SDHAF3: variants seen among roughly 807,000 people sequenced by gnomAD.
SDHAF3 encodes the protein succinate dehydrogenase complex assembly factor 3.
SDHAF3 carries 18 observed loss-of-function variants against 11.5 expected under a neutral mutation model. The observed-to-expected ratio is 1.56, with a 90% CI of 1.08 to 2.32. SDHAF3 has a LOEUF of 2.32. Ranked by LOEUF, SDHAF3 falls within the 30% of genes most tolerant of loss-of-function variation. The pLI, the probability that SDHAF3 is intolerant of heterozygous loss-of-function variation, is 0.00. For synonymous variants in SDHAF3, 72 were observed against 59.3 expected (o/e 1.21, Z -0.99); for missense variants, 200 against 154.4 (o/e 1.30, Z -1.57).
intron 1 of SDHAF3, among the ~76,000 whole-genome samples, chr7:97,152,016 A>T (rs576685515): frequency 1.3e-5 from 2 of 152,014 alleles, no homozygotes; most frequent in African/African-American, 4.8e-5. Context: ...TGTAGGGTTT[A>T]CTCTTGTTTT....
intron 1 of SDHAF3, among the ~76,000 whole-genome samples, chr7:97,159,621 T>C (rs1584227358): frequency 6.6e-6 from 1 of 152,168 alleles, no homozygotes; most frequent in Non-Finnish European, 1.5e-5. Context: ...TTTTTCTTTT[T>C]ATTAAAGAAT....
At chr7:97,126,612 C>T (rs1286074824) in intron 1 of SDHAF3, among the ~76,000 whole-genome samples, 1 of 152,078 alleles carries the variant, frequency 6.6e-6, no homozygotes, top group Non-Finnish European at 1.5e-5. Flanking sequence ...GGAAAACAGC[C>T]TACTCAAGCC....
chr7:97,141,601 G>A (rs1364375568), intron 1 of SDHAF3, among the ~76,000 whole-genome samples: 1 of 152,044 alleles, frequency 6.6e-6, no homozygotes, highest in South Asian at 2.1e-4. Context: ...TCGAACCCAC[G>A]ACCCTGAGAT....
intron 1 of SDHAF3, among the ~76,000 whole-genome samples, chr7:97,166,727 G>A (rs938615846): frequency 1.9e-4 from 28 of 150,230 alleles, no homozygotes; most frequent in African/African-American, 6.3e-4. Context: ...TTGGCCAAGA[G>A]AAGGGGCCAG....
At chr7:97,160,986 A>G (rs1247541484) in intron 1 of SDHAF3, among the ~76,000 whole-genome samples, 1 of 152,112 alleles carries the variant, frequency 6.6e-6, no homozygotes, top group Non-Finnish European at 1.5e-5. Context: ...TGGACTTAAA[A>G]TATTTTTACT....
chr7:97,176,123 C>T (rs1172780687), intron 1 of SDHAF3, among the ~76,000 whole-genome samples: 1 of 152,196 alleles, frequency 6.6e-6, no homozygotes. Context: ...AATCCTCAAT[C>T]ACACTTGCAA....
intron 1 of SDHAF3, among the ~76,000 whole-genome samples, chr7:97,126,623 T>A (rs548585156): frequency 1.3e-5 from 2 of 152,116 alleles, no homozygotes; most frequent in South Asian, 4.2e-4. Context: ...TACTCAAGCC[T>A]CAGTAATGGC....
At chr7:97,165,952 TC>T in intron 1 of SDHAF3, among the ~76,000 whole-genome samples, 2 of 152,316 alleles carry the variant, frequency 1.3e-5, no homozygotes, top group East Asian at 1.9e-4. Context: ...CAGTAAGAAG[TC>T]TGCTATAAAA....
At chr7:97,132,880 T>A (rs986591777) in intron 1 of SDHAF3, among the ~76,000 whole-genome samples, 13 of 152,222 alleles carry the variant, frequency 8.5e-5, no homozygotes, top group Non-Finnish European at 1.5e-5. Flanking sequence ...AGTCTGGAGT[T>A]GGACTTTACC....
intron 1 of SDHAF3, among the ~76,000 whole-genome samples, chr7:97,166,533 T>C (rs2115729469): frequency 6.6e-6 from 1 of 152,320 alleles, no homozygotes. Context: ...TGATAGTAGC[T>C]TTTGGAGAGA....
chr7:97,175,487 C>A (rs116516156), intron 1 of SDHAF3, among the ~76,000 whole-genome samples: 1,748 of 152,214 alleles, frequency 0.011, 25 homozygotes, highest in African/African-American at 0.039. Flanking sequence ...CTCCCACTTA[C>A]AAGTGAGAAT....
At chr7:97,151,876 T>G (rs188855047) in intron 1 of SDHAF3, among the ~76,000 whole-genome samples, 39 of 152,216 alleles carry the variant, frequency 2.6e-4, no homozygotes, top group African/African-American at 9.4e-4. Flanking sequence ...CAGAGAAAAC[T>G]TCAGCTTGCA....
rs1425570516 is a variant in SDHAF3 at position 97,159,210 on chromosome 7, A to G, written c.175-21802A>G. On this transcript the variant is annotated intron_variant, in intron 1 of 1. Coordinates refer to ENST00000432641, the MANE Select transcript of SDHAF3 (RefSeq NM_020186.3). ...AAAATGTATGTCTTGTTCTTAAAAC[A>G]TAGTTTGTAGATGTTCCTGTTGAGG... Among the ~76,000 whole-genome samples the G allele has an allele frequency of 2.6e-5, 4 of 152,332 alleles. No individual in the cohort carries two copies. The East Asian group carries it at 5.8e-4, about 22-fold the overall frequency.
At chr7:97,168,741 G>A (rs1050123460) in intron 1 of SDHAF3, among the ~76,000 whole-genome samples, 2 of 152,158 alleles carry the variant, frequency 1.3e-5, no homozygotes, top group South Asian at 2.1e-4. Flanking sequence ...TGGCTTTTGT[G>A]TTTTCTTCAT....
At chr7:97,141,799 ATTGTAT>A (rs1789048198) in intron 1 of SDHAF3, among the ~76,000 whole-genome samples, 1 of 151,960 alleles carries the variant, frequency 6.6e-6, no homozygotes, top group Non-Finnish European at 1.5e-5. Context: ...TGTTATCTAC[ATTGTAT>A]TATAGTTACT....
intron 1 of SDHAF3, among the ~76,000 whole-genome samples, chr7:97,149,961 T>G (rs1361906266): frequency 1.3e-5 from 2 of 152,240 alleles, no homozygotes; most frequent in Non-Finnish European, 2.9e-5. Flanking sequence ...TGTAATATTC[T>G]AAATCCTTTG....
At chr7:97,132,853 C>T (rs953992149) in intron 1 of SDHAF3, among the ~76,000 whole-genome samples, 4 of 152,098 alleles carry the variant, frequency 2.6e-5, no homozygotes, top group African/African-American at 9.7e-5. Context: ...CATATAGGGT[C>T]TGGTAATTGA....
At chr7:97,136,725 T>C (rs999252473) in intron 1 of SDHAF3, among the ~76,000 whole-genome samples, 2 of 152,220 alleles carry the variant, frequency 1.3e-5, no homozygotes, top group African/African-American at 4.8e-5. Context: ...TAGCTTAGTC[T>C]GTAGTTAAAA....
rs36056301 is a variant in SDHAF3, at chr7:97,148,930, C to CTT, written c.174+31047_174+31048dup. On this transcript the variant is annotated intron_variant, in intron 1 of 1. Transcript: ENST00000432641. ...TGATGCACAATCAGTAGATTTGTGT[C>CTT]TTTTTTTTTTTTTTTCTGAAACAGG... Among the ~76,000 whole-genome samples the CTT allele has an allele frequency of 4.6e-3, 646 of 139,294 alleles. 4 individuals are homozygous for CTT. Among genetic ancestry groups the CTT allele is most frequent in the Middle Eastern group, 0.015 (4 of 266 alleles). The allele number at this position is 139,294 out of a possible 152,430, so 91.4% of individuals were successfully genotyped here. A position where few individuals can be genotyped will look rare whatever the true frequency, so the allele number is the denominator to read the frequency against.
Sources: gnomAD v4.1 joint callset for allele counts (sites outside exome capture counted in the v4.1 genomes callset) on GRCh38, gnomAD v4.1.1 for gene constraint, MANE v1.5 for transcripts, NCBI Gene and HGNC (gene_info 2026-07-23, HGNC 2026-07-21) for gene names.